Variants in SGCZ observed in about 807,000 individuals in gnomAD.
SGCZ encodes zeta-sarcoglycan.
Under a neutral mutation model 41.3 loss-of-function variants are expected in SGCZ, and 40 were observed. The ratio of observed to expected loss-of-function variants is 0.97; its 90% CI spans 0.75 to 1.26. The LOEUF is 1.26. SGCZ is among the 50% of genes most tolerant of loss of function. The probability of loss-of-function intolerance (pLI) is 0.00; values close to 1 mark genes in which losing one functional copy is unlikely to be tolerated. For synonymous variants in SGCZ, 206 were observed against 137.5 expected, an observed-to-expected ratio of 1.50 and a Z score of -3.49; for missense variants, 552 against 369.8, an observed-to-expected ratio of 1.49 and a Z score of -4.04.
chr8:14,896,188 G>A (rs531934977), intron 1 of SGCZ, among the ~76,000 whole-genome samples: 48 of 152,086 alleles, frequency 3.2e-4, no homozygotes, highest in Non-Finnish European at 5.7e-4. Context: ...TTTTATTTTG[G>A]TCACATTGTT....
At chr8:14,766,495 A>G (rs1487557888) in intron 1 of SGCZ, among the ~76,000 whole-genome samples, 1 of 152,036 alleles carries the variant, frequency 6.6e-6, no homozygotes, top group Non-Finnish European at 1.5e-5. Context: ...CAAACTCAAC[A>G]GATGTTTGTT....
At chr8:15,075,850 A>G (rs530824347) in intron 1 of SGCZ, among the ~76,000 whole-genome samples, 2 of 152,204 alleles carry the variant, frequency 1.3e-5, no homozygotes, top group East Asian at 1.9e-4. Flanking sequence ...TTGCCTACCA[A>G]TATTTTTCTA....
At position 14,086,733 on chromosome 8, in the gene SGCZ, A is replaced by G. The variant is rs1207396993; in HGVS notation, c.*3710T>C. Among the ~76,000 whole-genome samples the G allele has an allele frequency of 4.6e-5, 7 of 151,672 alleles. No individual in the cohort carries two copies. The highest frequency in any genetic ancestry group is 1.3e-4 in the Admixed American group (2 of 15,180). ...CTTAATGTTCAAATGTTAAGAGTGT[A>G]AAAGGGAGTATAAAAAAGAGCATAG... On this transcript the variant is annotated 3_prime_UTR_variant, in exon 8 of 8. Coordinates refer to ENST00000382080, the MANE Select transcript of SGCZ (RefSeq NM_139167.4).
intron 1 of SGCZ, among the ~76,000 whole-genome samples, chr8:15,044,224 T>C (rs575610737): frequency 6.6e-6 from 1 of 152,268 alleles, no homozygotes; most frequent in East Asian, 1.9e-4. Context: ...ACACTGCACT[T>C]CAAATTTGCT....
chr8:15,011,905 A>G (rs539572160), intron 1 of SGCZ, among the ~76,000 whole-genome samples: 1 of 152,314 alleles, frequency 6.6e-6, no homozygotes, highest in South Asian at 2.1e-4. Context: ...TTTCTCATTT[A>G]ACTGTGGTGC....
intron 2 of SGCZ, among the ~76,000 whole-genome samples, chr8:14,479,423 T>C (rs58748290): frequency 0.075 from 11,366 of 152,232 alleles, 531 homozygotes; most frequent in Middle Eastern, 0.11. Context: ...CTCACTTAGA[T>C]TGAGGGTGGG....
chr8:14,410,442 G>A (rs1284939306), intron 2 of SGCZ, among the ~76,000 whole-genome samples: 2 of 151,128 alleles, frequency 1.3e-5, no homozygotes, highest in Non-Finnish European at 2.9e-5. Context: ...TGACCCAAAT[G>A]GATCTCCAAG....
chr8:15,044,942 G>A (rs1804246598), intron 1 of SGCZ, among the ~76,000 whole-genome samples: 3 of 151,994 alleles, frequency 2.0e-5, no homozygotes, highest in Admixed American at 6.6e-5. Flanking sequence ...TTGTTTGGTT[G>A]CATGAATTTG....
At chr8:14,310,485 G>A (rs1270014798) in intron 3 of SGCZ, among the ~76,000 whole-genome samples, 3 of 151,988 alleles carry the variant, frequency 2.0e-5, no homozygotes, top group Non-Finnish European at 4.4e-5. Flanking sequence ...ACTAGAATTA[G>A]TATGTCTGTT....
chr8:14,768,130 A>G (rs185314922), intron 1 of SGCZ, among the ~76,000 whole-genome samples: 34 of 152,322 alleles, frequency 2.2e-4, no homozygotes, highest in African/African-American at 8.2e-4. Flanking sequence ...TATGCAGAGA[A>G]AGAGAAAATA....
chr8:14,312,367 A>T (rs1177752195), intron 3 of SGCZ, among the ~76,000 whole-genome samples: 2 of 152,184 alleles, frequency 1.3e-5, no homozygotes, highest in East Asian at 3.9e-4. Flanking sequence ...ATCGTGACTT[A>T]GAGGATTCTA....
At chr8:14,986,464 C>T (rs1002455773) in intron 1 of SGCZ, among the ~76,000 whole-genome samples, 1 of 152,070 alleles carries the variant, frequency 6.6e-6, no homozygotes, top group African/African-American at 2.4e-5. Flanking sequence ...TTGGTTATCA[C>T]ATTTCAAATC....
At chr8:15,026,221 G>T (rs1803453096) in intron 1 of SGCZ, among the ~76,000 whole-genome samples, 1 of 151,926 alleles carries the variant, frequency 6.6e-6, no homozygotes. Flanking sequence ...TCTCAGACTG[G>T]TTAATTTTTC....
intron 1 of SGCZ, among the ~76,000 whole-genome samples, chr8:15,226,130 G>C (rs1424350817): frequency 6.6e-6 from 1 of 152,148 alleles, no homozygotes; most frequent in Non-Finnish European, 1.5e-5. Flanking sequence ...CTAATATGCA[G>C]CTCAGAAATT....
At chr8:15,018,869 T>C (rs984569670) in intron 1 of SGCZ, among the ~76,000 whole-genome samples, 7 of 152,120 alleles carry the variant, frequency 4.6e-5, no homozygotes, top group African/African-American at 1.7e-4. Flanking sequence ...TCAGGAAACT[T>C]ACAATCATGG....
At chr8:14,664,344 G>T (rs7827059) in intron 1 of SGCZ, among the ~76,000 whole-genome samples, 90,145 of 152,054 alleles carry the variant, frequency 0.59, 29,125 homozygotes, top group African/African-American at 0.84. Context: ...TCTCTAACTA[G>T]AATTATGTTA....
At chr8:14,311,406 G>T (rs1167066317) in intron 3 of SGCZ, among the ~76,000 whole-genome samples, 1 of 152,152 alleles carries the variant, frequency 6.6e-6, no homozygotes, top group Non-Finnish European at 1.5e-5. Context: ...GTTATTTTTG[G>T]TGCATGCTAC....
intron 2 of SGCZ, among the ~76,000 whole-genome samples, chr8:14,497,168 C>T (rs964617226): frequency 6.6e-6 from 1 of 152,110 alleles, no homozygotes; most frequent in Non-Finnish European, 1.5e-5. Flanking sequence ...ATACCTGAGG[C>T]TGGGTAATTT....
intron 1 of SGCZ, among the ~76,000 whole-genome samples, chr8:14,619,587 G>A (rs1044647785): frequency 6.6e-6 from 1 of 152,110 alleles, no homozygotes; most frequent in African/African-American, 2.4e-5. Flanking sequence ...AGCAACTTCA[G>A]CAAAGTCTCA....
Sources: gnomAD v4.1 joint callset for allele counts (sites outside exome capture counted in the v4.1 genomes callset) on GRCh38, gnomAD v4.1.1 for gene constraint, MANE v1.5 for transcripts, NCBI Gene and HGNC (gene_info 2026-07-23, HGNC 2026-07-21) for gene names.